The following KCNH1 variants were observed in gnomAD, a reference collection of about 807,000 sequenced individuals.
KCNH1 encodes potassium voltage-gated channel subfamily H member 1, also known as voltage-gated delayed rectifier potassium channel KCNH1.
Under a neutral mutation model 69.2 loss-of-function variants are expected in KCNH1, and 27 were observed. The observed-to-expected ratio is 0.39, with a 90% CI of 0.29 to 0.54. The LOEUF is 0.54. KCNH1 is among the 20% of genes least tolerant of loss of function. The probability of loss-of-function intolerance (pLI) is 0.68; values close to 1 mark genes in which losing one functional copy is unlikely to be tolerated. For synonymous variants in KCNH1, 456 were observed against 487.7 expected, an observed-to-expected ratio of 0.93 and a Z score of 0.86; for missense variants, 798 against 1,261.6, an observed-to-expected ratio of 0.63 and a Z score of 5.57.
At chr1:210,852,102 T>C (rs1384183835) in intron 7 of KCNH1, among the ~76,000 whole-genome samples, 1 of 152,176 alleles carries the variant, frequency 6.6e-6, no homozygotes, top group Non-Finnish European at 1.5e-5. Context: ...AAAGAAAGCA[T>C]GATGGAGAAT....
chr1:210,891,000 G>T (rs540286912), intron 7 of KCNH1, among the ~76,000 whole-genome samples: 1 of 152,154 alleles, frequency 6.6e-6, no homozygotes, highest in Non-Finnish European at 1.5e-5. Flanking sequence ...CAAGAATCTA[G>T]AACTAGAAAT....
intron 6 of KCNH1, among the ~76,000 whole-genome samples, chr1:210,987,316 T>C (rs1404646249): frequency 6.6e-6 from 1 of 152,234 alleles, no homozygotes; most frequent in African/African-American, 2.4e-5. Flanking sequence ...CTTTGTTCCA[T>C]TGCTGGTGAG....
At chr1:210,770,893 C>T (rs550161456) in intron 10 of KCNH1, among the ~76,000 whole-genome samples, 2 of 152,316 alleles carry the variant, frequency 1.3e-5, no homozygotes, top group Admixed American at 6.5e-5. Flanking sequence ...GCCAGAAGAG[C>T]ACGTGCCAGG....
chr1:210,966,257 A>G (rs547755265), intron 6 of KCNH1, among the ~76,000 whole-genome samples: 39 of 152,214 alleles, frequency 2.6e-4, no homozygotes, highest in African/African-American at 9.4e-4. Flanking sequence ...AGACTTAAAC[A>G]TAAGACCTAA....
chr1:211,073,886 G>T lies in KCNH1; in HGVS notation c.558+8894C>A, dbSNP rs991520484. Among the ~76,000 whole-genome samples the T allele has an allele frequency of 4.6e-5, 7 of 151,384 alleles. No homozygotes were observed. The South Asian group carries it at 8.3e-4, about 18-fold the overall frequency. On this transcript the variant is annotated intron_variant, in intron 5 of 10. Coordinates refer to ENST00000271751, the MANE Select transcript of KCNH1 (RefSeq NM_172362.3). The stretch of plus-strand genomic sequence containing the variant: ...AAAGCAATGAAATTGAAAACAAAAA[G>T]TCAATAGAAAAAAATCAACAAAACC...
intron 7 of KCNH1, chr1:210,859,434 T>A: frequency 1.2e-6 from 2 of 1,608,662 alleles, no homozygotes; most frequent in Non-Finnish European, 1.7e-6. Flanking sequence ...CAGGGTTATC[T>A]TCATCATCAA....
chr1:211,061,361 G>A (rs1052049877), intron 5 of KCNH1, among the ~76,000 whole-genome samples: 4 of 152,064 alleles, frequency 2.6e-5, no homozygotes, highest in Non-Finnish European at 4.4e-5. Context: ...GTATAATACC[G>A]AATGGGGAAA....
intron 1 of KCNH1, among the ~76,000 whole-genome samples, chr1:211,125,989 C>T (rs1369235455): frequency 6.6e-6 from 1 of 152,168 alleles, no homozygotes; most frequent in African/African-American, 2.4e-5. Context: ...TTGTCATTAA[C>T]AGGAGTGTTT....
intron 7 of KCNH1, among the ~76,000 whole-genome samples, chr1:210,912,790 G>A (rs1300894839): frequency 6.6e-6 from 1 of 152,246 alleles, no homozygotes; most frequent in Non-Finnish European, 1.5e-5. Flanking sequence ...GAACTGACTG[G>A]TTCCAAAATG....
chr1:211,030,033 C>G (rs4951707), intron 5 of KCNH1, among the ~76,000 whole-genome samples: 18 of 152,270 alleles, frequency 1.2e-4, no homozygotes, highest in Middle Eastern at 3.4e-3. Context: ...GAGAGACATA[C>G]CATGTTCCTA....
intron 7 of KCNH1, among the ~76,000 whole-genome samples, chr1:210,849,364 T>TC (rs1685632468): frequency 7.5e-6 from 1 of 133,192 alleles, no homozygotes; most frequent in African/African-American, 3.0e-5. Flanking sequence ...TTTCTTTCTT[T>TC]CTTTTTTTTT....
At chr1:211,057,388 T>A (rs990737098) in intron 5 of KCNH1, among the ~76,000 whole-genome samples, 2 of 152,240 alleles carry the variant, frequency 1.3e-5, no homozygotes, top group African/African-American at 4.8e-5. Flanking sequence ...GTGGTCCTAG[T>A]ACTTTGGGAG....
intron 1 of KCNH1, among the ~76,000 whole-genome samples, chr1:211,117,042 C>A (rs991977201): frequency 6.6e-6 from 1 of 152,182 alleles, no homozygotes; most frequent in Non-Finnish European, 1.5e-5. Flanking sequence ...ATTGAGAGGT[C>A]ACCCACTTTC....
intron 6 of KCNH1, among the ~76,000 whole-genome samples, chr1:210,974,694 G>T (rs775373633): frequency 2.1e-4 from 32 of 151,198 alleles, no homozygotes; most frequent in Non-Finnish European, 3.7e-4. Context: ...CTCCCAAGTA[G>T]CTGGGACTAC....
intron 6 of KCNH1, among the ~76,000 whole-genome samples, chr1:210,979,803 C>A (rs541412344): frequency 6.6e-6 from 1 of 152,146 alleles, no homozygotes; most frequent in East Asian, 1.9e-4. Flanking sequence ...CTATGTAATG[C>A]TTTTCTTATA....
chr1:211,072,037 A>T (rs2102458547), intron 5 of KCNH1, among the ~76,000 whole-genome samples: 1 of 152,308 alleles, frequency 6.6e-6, no homozygotes, highest in East Asian at 1.9e-4. Context: ...GCACTTTGGG[A>T]GGCGGAGGTG....
At position 211,090,497 on chromosome 1, in the gene KCNH1, G is replaced by A. The variant is rs1331198981; in HGVS notation, c.439+65C>T. 15 of 1,446,122 alleles carry A rather than the reference G, an allele frequency of 1.0e-5. No individual in the cohort carries two copies. In the East Asian group the frequency reaches 1.8e-4, roughly 18 times the overall value. 89.6% of individuals were successfully genotyped at this position (1,446,122 alleles called of 1,614,324 possible). A position where few individuals can be genotyped will look rare whatever the true frequency, so the allele number is the denominator to read the frequency against. Reference sequence around the variant, plus strand: ...TTGCCTTGACAACCTTAAATGCTCTGTAACAAGAGCCACAATAAAGACAAA... The same window carrying A: ...TTGCCTTGACAACCTTAAATGCTCTATAACAAGAGCCACAATAAAGACAAA... On this transcript the variant is annotated intron_variant, in intron 4 of 10. Coordinates refer to ENST00000271751, the MANE Select transcript of KCNH1 (RefSeq NM_172362.3).
In KCNH1 at chr1:210,860,975, T is replaced by G. The variant is rs140489000; in HGVS notation, c.1463-56809A>C. ...AGAAGTGTTTCAGCTAAAGAGCCAA[T>G]CATGCAGGGCTCCATCTTTTTTTCA... On this transcript the variant is annotated intron_variant, in intron 7 of 10. Coordinates refer to ENST00000271751, the MANE Select transcript of KCNH1 (RefSeq NM_172362.3). 2.5e-3 allele frequency: 2,459 copies of G among 998,362 alleles called. 14 individuals are homozygous for G. Among genetic ancestry groups the G allele is most frequent in the South Asian group, 6.7e-3 (527 of 78,116 alleles). The allele number at this position is 998,362 out of a possible 1,614,324, so 61.8% of individuals were successfully genotyped here.
At chr1:211,123,139 T>C (rs1691717780) in intron 1 of KCNH1, among the ~76,000 whole-genome samples, 1 of 152,042 alleles carries the variant, frequency 6.6e-6, no homozygotes, top group Non-Finnish European at 1.5e-5. Context: ...CCAGTTTCCC[T>C]ATATGGCTTT....
Sources: gnomAD v4.1 joint callset for allele counts (sites outside exome capture counted in the v4.1 genomes callset) on GRCh38, gnomAD v4.1.1 for gene constraint, MANE v1.5 for transcripts, NCBI Gene and HGNC (gene_info 2026-07-23, HGNC 2026-07-21) for gene names.